OIT3: variants seen among roughly 807,000 people sequenced by gnomAD.
OIT3 encodes oncoprotein-induced transcript 3 protein.
OIT3 carries 41 observed loss-of-function variants against 52.2 expected under a neutral mutation model. The observed-to-expected ratio is 0.79, with a 90% CI of 0.61 to 1.02. The LOEUF (loss-of-function observed/expected upper bound fraction) is 1.02, where lower values mean the gene tolerates loss of function less well. Ranked by LOEUF, OIT3 falls within the 50% of genes least tolerant of loss-of-function variation. The pLI, the probability that OIT3 is intolerant of heterozygous loss-of-function variation, is 0.00. For missense variants in OIT3, 634 were observed against 715.5 expected (o/e 0.89, Z 1.30); for synonymous variants, 244 against 276.9 (o/e 0.88, Z 1.18).
At chr10:72,917,089 T>A (rs540025536) in intron 6 of OIT3, among the ~76,000 whole-genome samples, 6 of 152,068 alleles carry the variant, frequency 3.9e-5, no homozygotes, top group Admixed American at 6.6e-5. Flanking sequence ...GAGAAAAAAA[T>A]TTTTCTCCCA....
In OIT3 at chr10:72,899,027, T is replaced by A; in HGVS notation, c.425T>A (p.Val142Asp). The change falls in exon 2 of 9, where the codon GTC (valine) becomes GAC (aspartate). Residue 142 changes from valine (V) to aspartate (D), a missense_variant. By Grantham distance (152) the Val-to-Asp change is radical (BLOSUM62 -3). Transcript: ENST00000334011. Reference sequence around the variant, plus strand: ...ACCAAGCCCAGCGTCTGCTTCCACGTCTACTGTGGTCGTGAGTACCTTCCC... The same window carrying A: ...ACCAAGCCCAGCGTCTGCTTCCACGACTACTGTGGTCGTGAGTACCTTCCC... ...RLTKPSVCFHVYCGHFYDICD... is the reference protein window; with the variant it reads ...RLTKPSVCFHDYCGHFYDICD... 6.2e-7 allele frequency: 1 copy of A among 1,606,508 alleles called. No individual in the cohort carries two copies.
At chr10:72,901,890 A>G (rs527961516) in intron 3 of OIT3, among the ~76,000 whole-genome samples, 1 of 152,246 alleles carries the variant, frequency 6.6e-6, no homozygotes, top group Admixed American at 6.5e-5. Context: ...AAATAAAAAT[A>G]AATTAGCCAG....
intron 6 of OIT3, among the ~76,000 whole-genome samples, chr10:72,916,329 T>G (rs767689439): frequency 3.3e-5 from 5 of 152,100 alleles, no homozygotes; most frequent in Admixed American, 1.3e-4. Flanking sequence ...CCCTCCTACC[T>G]TCCACTCTCT....
Position 72,930,634 on chromosome 10 carries a change from C to G in OIT3, c.1464C>G (p.His488Gln). Residue 488 changes from histidine (H) to glutamine (Q), a missense_variant, in exon 8 of 9, where the codon CAC (histidine) becomes CAG (glutamine). Coordinates refer to ENST00000334011, the MANE Select transcript of OIT3 (RefSeq NM_152635.3). ...VPVFKFVGKD[H>Q]KEVFLHCRVL... ...TCTTCAAGTTTGTGGGCAAAGACCA[C>G]AAGGTGAGTTGAACATCTTTAATTT... 1 of 1,366,508 alleles carries G rather than the reference C, an allele frequency of 7.3e-7. No individual in the cohort carries two copies. Among genetic ancestry groups the G allele is most frequent in the Non-Finnish European group, 1.0e-6 (1 of 960,344 alleles). 84.6% of individuals were successfully genotyped at this position (1,366,508 alleles called of 1,614,324 possible). A position where few individuals can be genotyped will look rare whatever the true frequency, so the allele number is the denominator to read the frequency against.
intron 7 of OIT3, among the ~76,000 whole-genome samples, chr10:72,925,718 C>T (rs994189304): frequency 1.2e-4 from 18 of 152,274 alleles, no homozygotes; most frequent in Admixed American, 4.6e-4. Flanking sequence ...CTCAAGTGAT[C>T]TTCCTGTCTC....
At chr10:72,922,360 G>A (rs1486484589) in intron 6 of OIT3, among the ~76,000 whole-genome samples, 3 of 151,786 alleles carry the variant, frequency 2.0e-5, no homozygotes, top group Non-Finnish European at 2.9e-5. Context: ...CATATTTCTC[G>A]GAGGTTTTGT....
chr10:72,904,401 T>G (rs1845960831), intron 3 of OIT3, among the ~76,000 whole-genome samples: 1 of 152,110 alleles, frequency 6.6e-6, no homozygotes, highest in African/African-American at 2.4e-5. Flanking sequence ...AATAGAGGCT[T>G]CTAAGTGACC....
At chr10:72,900,605 T>G (rs1005008644) in intron 3 of OIT3, 121 bp downstream of exon 3, 7 of 625,690 alleles carry the variant, frequency 1.1e-5, no homozygotes, top group African/African-American at 1.1e-4. Flanking sequence ...TGGAATGGTG[T>G]TTGCTTTTTA....
intron 7 of OIT3, among the ~76,000 whole-genome samples, chr10:72,927,792 G>A (rs776688023): frequency 2.0e-5 from 3 of 152,088 alleles, no homozygotes; most frequent in Admixed American, 6.5e-5. Context: ...TCCTCTGCCT[G>A]ATATCTTCTT....
chr10:72,919,626 A>G (rs1422405147), intron 6 of OIT3, among the ~76,000 whole-genome samples: 1 of 152,256 alleles, frequency 6.6e-6, no homozygotes, highest in Admixed American at 6.5e-5. Flanking sequence ...TATTCCTTCA[A>G]CACCTAGTTT....
intron 3 of OIT3, among the ~76,000 whole-genome samples, chr10:72,902,759 A>G (rs572511636): frequency 6.6e-6 from 1 of 152,246 alleles, no homozygotes; most frequent in South Asian, 2.1e-4. Context: ...CGTGAGACTT[A>G]CTTACTACCA....
Position 72,932,428 on chromosome 10 carries a change from C to A in OIT3, c.1542C>A (p.His514Gln), listed in dbSNP as rs775400312. The change falls in exon 9 of 9, where the codon CAC becomes CAA. Residue 514 changes from histidine to glutamine, a missense_variant. His to Gln is a conservative substitution (Grantham distance 24). Coordinates refer to ENST00000334011, the MANE Select transcript of OIT3 (RefSeq NM_152635.3). Reference protein sequence around the residue: ...DERSRCAQGCHRRMRRGAGGE... With the variant: ...DERSRCAQGCQRRMRRGAGGE... The stretch of plus-strand genomic sequence containing the variant: ...GTTCCCGCTGTGCCCAGGGTTGCCA[C>A]CGGCGAATGCGTCGTGGGGCAGGAG... 3 of 1,614,076 alleles carry A rather than the reference C, an allele frequency of 1.9e-6. No individual in the cohort carries two copies. In the African/African-American group the frequency reaches 4.0e-5, roughly 22 times the overall value.
chr10:72,898,790 C>A lies in OIT3; in HGVS notation c.188C>A (p.Thr63Lys), dbSNP rs867661582. The A allele has an allele frequency of 1.2e-6, 2 of 1,614,010 alleles. No homozygotes were observed. Among genetic ancestry groups the A allele is most frequent in the Non-Finnish European group, 1.7e-6 (2 of 1,180,000 alleles). ...GTGAATGGGGAGTGGTACCACTTCA[C>A]GGGCATGGCGGGAGATGCCATGCCT... ...NHVNGEWYHF[T>K]GMAGDAMPTF... The change falls in exon 2 of 9, where the codon ACG becomes AAG. Residue 63 changes from threonine (T) to lysine (K), a missense_variant. Coordinates refer to ENST00000334011, the MANE Select transcript of OIT3 (RefSeq NM_152635.3).
intron 6 of OIT3, among the ~76,000 whole-genome samples, chr10:72,915,421 G>T (rs1834364144): frequency 6.6e-6 from 1 of 152,098 alleles, no homozygotes; most frequent in African/African-American, 2.4e-5. Flanking sequence ...ATTAAGTATT[G>T]CTCCTAGGGG....
rs1729671712 is a variant in OIT3, at chr10:72,932,593, T to C, written c.*69T>C. On this transcript the variant is annotated 3_prime_UTR_variant, in exon 9 of 9. Coordinates refer to ENST00000334011, the MANE Select transcript of OIT3 (RefSeq NM_152635.3). ...TTTGGAGCTTCTCCCCCCACCGCCC[T>C]CTAAGAACATCTGCCAACAGCTGGG... 1 of 1,382,276 alleles carries C rather than the reference T, an allele frequency of 7.2e-7. No individual in the cohort carries two copies. Among genetic ancestry groups the C allele is most frequent in the African/African-American group, 1.4e-5 (1 of 69,084 alleles). 85.6% of individuals were successfully genotyped at this position (1,382,276 alleles called of 1,614,324 possible). A position where few individuals can be genotyped will look rare whatever the true frequency, so the allele number is the denominator to read the frequency against.
intron 3 of OIT3, among the ~76,000 whole-genome samples, chr10:72,904,472 A>G (rs1214311433): frequency 1.3e-5 from 2 of 152,080 alleles, no homozygotes; most frequent in South Asian, 2.1e-4. Flanking sequence ...CTAACCATCT[A>G]CTTTCCAGGC....
At chr10:72,894,370 A>G (rs1845855614) in intron 1 of OIT3, among the ~76,000 whole-genome samples, 1 of 152,108 alleles carries the variant, frequency 6.6e-6, no homozygotes, top group Admixed American at 6.6e-5. Context: ...TTGGTGCAAA[A>G]CTGGCCAGTC....
Position 72,924,498 on chromosome 10 carries a change from G to A in OIT3, c.1221G>A (p.Leu407=), listed in dbSNP as rs748384345. 6.2e-7 allele frequency: 1 copy of A among 1,614,186 alleles called. No individual in the cohort carries two copies. The highest frequency in any genetic ancestry group is 8.5e-7 in the Non-Finnish European group (1 of 1,180,030). The part of the protein sequence containing the change: ...NEFEEPYREA[L]PTLKLRDSLY... ...TTGAAGAGCCTTACCGGGAAGCTCTGCCCACCCTCAAGCTTCGTGACTCCC... is the reference window on the plus strand; with the variant it reads ...TTGAAGAGCCTTACCGGGAAGCTCTACCCACCCTCAAGCTTCGTGACTCCC... The change falls in exon 7 of 9, where the codon CTG becomes CTA. Residue 407 remains leucine (L), a synonymous_variant. Transcript: ENST00000334011.
intron 8 of OIT3, among the ~76,000 whole-genome samples, chr10:72,931,837 A>G (rs1355411899): frequency 1.3e-5 from 2 of 152,340 alleles, no homozygotes; most frequent in South Asian, 2.1e-4. Flanking sequence ...TTGTAAGTAT[A>G]TGCATGTCCA....
Sources: allele counts gnomAD v4.1 joint callset (sites outside exome capture counted in the v4.1 genomes callset), GRCh38; gene constraint gnomAD v4.1.1; transcripts MANE v1.5; gene names NCBI Gene and HGNC (gene_info 2026-07-23, HGNC 2026-07-21).